Variants in PPP2R3A observed in about 807,000 individuals in gnomAD.
The protein encoded by PPP2R3A is protein phosphatase 2 regulatory subunit B''alpha.
A neutral mutation model predicts 106.9 loss-of-function variants in PPP2R3A; 80 were observed. The observed-to-expected ratio is 0.75, with a 90% CI of 0.62 to 0.90. PPP2R3A has a LOEUF of 0.90. Ranked by LOEUF, PPP2R3A falls within the 40% of genes least tolerant of loss-of-function variation. The probability of loss-of-function intolerance (pLI) is 0.00; values close to 1 mark genes in which losing one functional copy is unlikely to be tolerated. For missense variants in PPP2R3A, 1,386 were observed against 1,350.4 expected (o/e 1.03, Z -0.41); for synonymous variants, 483 against 468.3 (o/e 1.03, Z -0.41).
intron 1 of PPP2R3A, among the ~76,000 whole-genome samples, chr3:135,991,356 A>T (rs1933152304): frequency 6.6e-6 from 1 of 152,232 alleles, no homozygotes. Context: ...AAAATAAAAA[A>T]ATACTTAGAA....
intron 13 of PPP2R3A, among the ~76,000 whole-genome samples, chr3:136,107,458 GAC>G (rs1937537299): frequency 1.1e-5 from 1 of 95,208 alleles, no homozygotes; most frequent in Non-Finnish European, 1.9e-5. Context: ...TTTTTTTTGA[GAC>G]AGTCTCAAAT....
chr3:136,113,550 G>A (rs962663557), intron 13 of PPP2R3A, among the ~76,000 whole-genome samples: 2 of 152,138 alleles, frequency 1.3e-5, no homozygotes, highest in Non-Finnish European at 2.9e-5. Context: ...GCACTTTTTG[G>A]GAGGCCAAGG....
chr3:136,067,222 A>G (rs748695311), intron 5 of PPP2R3A, among the ~76,000 whole-genome samples: 1 of 152,238 alleles, frequency 6.6e-6, no homozygotes, highest in Non-Finnish European at 1.5e-5. Flanking sequence ...GTAGGAGGAA[A>G]TAAAATTAAC....
At chr3:135,974,897 G>A (rs1045119369) in intron 1 of PPP2R3A, among the ~76,000 whole-genome samples, 8 of 152,270 alleles carry the variant, frequency 5.3e-5, no homozygotes, top group South Asian at 2.1e-4. Context: ...TGTCATTAAG[G>A]GCTTAGGAAT....
intron 5 of PPP2R3A, among the ~76,000 whole-genome samples, chr3:136,063,676 T>A (rs1438875061): frequency 6.6e-6 from 1 of 151,920 alleles, no homozygotes; most frequent in Non-Finnish European, 1.5e-5. Context: ...ATGCTCATCA[T>A]CACTGGCCAT....
At chr3:136,007,408 C>T (rs1266383959) in intron 2 of PPP2R3A, among the ~76,000 whole-genome samples, 1 of 152,204 alleles carries the variant, frequency 6.6e-6, no homozygotes, top group East Asian at 1.9e-4. Flanking sequence ...GAGGACCTGA[C>T]ATCAGGGTGC....
In PPP2R3A at chr3:136,003,207, CCTGT is replaced by C; in HGVS notation, c.1712_1715del (p.Cys571Ter). 1 of 1,613,944 alleles carries C rather than the reference CCTGT, an allele frequency of 6.2e-7. No homozygotes were observed. Among genetic ancestry groups the C allele is most frequent in the Non-Finnish European group, 8.5e-7 (1 of 1,179,922 alleles). The stretch of plus-strand genomic sequence containing the variant: ...TCACCCATAGAAAAAGTCTCACCTT[CCTGT>C]CTAACAAGGATTATTGAAACCAATG... On this transcript the variant is annotated frameshift_variant, in exon 2 of 14. Coordinates refer to ENST00000264977, the MANE Select transcript of PPP2R3A (RefSeq NM_002718.5). LOFTEE classifies it high-confidence loss of function.
rs183513851 is a variant in PPP2R3A at position 136,023,721 on chromosome 3, G to A, written c.1996-3111G>A. 2.0e-5 allele frequency among the ~76,000 whole-genome samples: 3 copies of A among 152,170 alleles called. No individual in the cohort carries two copies. The East Asian group carries it at 5.8e-4, about 29-fold the overall frequency. On this transcript the variant is annotated intron_variant, in intron 2 of 13. Transcript: ENST00000264977. ...TATATAGACAATTGTGTATGTGTGT[G>A]TCGTAATGTATGTAGATAACAAAGA...
intron 1 of PPP2R3A, among the ~76,000 whole-genome samples, chr3:135,985,726 G>A (rs1932892466): frequency 6.6e-6 from 1 of 152,166 alleles, no homozygotes; most frequent in African/African-American, 2.4e-5. Flanking sequence ...CTTAGGATGT[G>A]ACCATGGGAT....
chr3:135,990,583 T>C (rs942607896), intron 1 of PPP2R3A, among the ~76,000 whole-genome samples: 10 of 152,190 alleles, frequency 6.6e-5, no homozygotes, highest in African/African-American at 2.4e-4. Context: ...TTAATAAAAA[T>C]AAATTTCAGA....
At chr3:136,078,235 T>C (rs1048069212) in intron 6 of PPP2R3A, 132 bp from the exon 7 acceptor site, 65 of 659,274 alleles carry the variant, frequency 9.9e-5, no homozygotes, top group Non-Finnish European at 1.4e-4. Flanking sequence ...TGATTTTTAC[T>C]AGGAATTACA....
chr3:136,071,255 G>A (rs892136726), intron 6 of PPP2R3A, among the ~76,000 whole-genome samples: 1 of 152,212 alleles, frequency 6.6e-6, no homozygotes, highest in Non-Finnish European at 1.5e-5. Context: ...AGCTAAACAG[G>A]GCCGTCTCCT....
intron 2 of PPP2R3A, among the ~76,000 whole-genome samples, chr3:136,006,730 A>G (rs1291402855): frequency 1.3e-5 from 2 of 152,234 alleles, no homozygotes; most frequent in Admixed American, 6.5e-5. Context: ...GTTTGCTTCA[A>G]ATCTTCTCCA....
intron 3 of PPP2R3A, among the ~76,000 whole-genome samples, chr3:136,029,013 C>T (rs1003279841): frequency 3.3e-5 from 5 of 152,062 alleles, no homozygotes; most frequent in Non-Finnish European, 7.4e-5. Flanking sequence ...CCACCATGCC[C>T]GGCTAATTTT....
chr3:135,994,913 C>G (rs16843611), intron 1 of PPP2R3A, among the ~76,000 whole-genome samples: 47,222 of 152,072 alleles, frequency 0.31, 7,662 homozygotes, highest in African/African-American at 0.4. Context: ...TCTGCTGCTT[C>G]TAAACCTTTG....
intron 10 of PPP2R3A, among the ~76,000 whole-genome samples, chr3:136,098,623 C>T (rs1937275954): frequency 6.6e-6 from 1 of 152,074 alleles, no homozygotes; most frequent in Admixed American, 6.6e-5. Context: ...AACATTGTTC[C>T]CTATTACCAA....
intron 6 of PPP2R3A, among the ~76,000 whole-genome samples, chr3:136,073,932 G>T (rs1363781790): frequency 6.6e-6 from 1 of 152,104 alleles, no homozygotes; most frequent in African/African-American, 2.4e-5. Flanking sequence ...AAAAGACATC[G>T]TTCTCTACCC....
chr3:136,035,149 T>G (rs1248094790), intron 3 of PPP2R3A, among the ~76,000 whole-genome samples: 1 of 152,212 alleles, frequency 6.6e-6, no homozygotes, highest in Non-Finnish European at 1.5e-5. Flanking sequence ...GATAATTGGT[T>G]GGTGAATTCT....
At chr3:136,096,111 G>A (rs1369181093) in intron 10 of PPP2R3A, among the ~76,000 whole-genome samples, 2 of 152,102 alleles carry the variant, frequency 1.3e-5, no homozygotes, top group Non-Finnish European at 2.9e-5. Context: ...TGTACTGAAA[G>A]TGAAAACAGA....
Sources: allele counts gnomAD v4.1 joint callset (sites outside exome capture counted in the v4.1 genomes callset), GRCh38; gene constraint gnomAD v4.1.1; transcripts MANE v1.5; gene names NCBI Gene and HGNC (gene_info 2026-07-23, HGNC 2026-07-21).